ADGRL4: variants seen among roughly 807,000 people sequenced by gnomAD.
The protein encoded by ADGRL4 is adhesion G protein-coupled receptor L4.
ADGRL4 carries 90 observed loss-of-function variants against 74.8 expected under a neutral mutation model. The ratio of observed to expected loss-of-function variants is 1.20; its 90% CI spans 1.02 to 1.43. The LOEUF (loss-of-function observed/expected upper bound fraction) is 1.43, where lower values mean the gene tolerates loss of function less well. ADGRL4 is among the 40% of genes most tolerant of loss of function. ADGRL4 has a pLI of 0.00. For synonymous variants in ADGRL4, 311 were observed against 279.2 expected (o/e 1.11, Z -1.14); for missense variants, 881 against 814.3 (o/e 1.08, Z -1.00).
chr1:78,942,016 G>A (rs1570244230), intron 3 of ADGRL4, among the ~76,000 whole-genome samples: 2 of 151,620 alleles, frequency 1.3e-5, no homozygotes, highest in African/African-American at 4.8e-5. Flanking sequence ...TGGCTAACAC[G>A]GTGACACCCC....
At chr1:78,979,866 G>GA (rs1177040534) in intron 2 of ADGRL4, among the ~76,000 whole-genome samples, 2 of 152,002 alleles carry the variant, frequency 1.3e-5, no homozygotes, top group Middle Eastern at 3.4e-3. Flanking sequence ...AAAGGCATAA[G>GA]AATGGACTTT....
At chr1:78,979,435 G>A (rs765948862) in intron 2 of ADGRL4, among the ~76,000 whole-genome samples, 1 of 151,872 alleles carries the variant, frequency 6.6e-6, no homozygotes, top group Admixed American at 6.6e-5. Context: ...AATTTGCCAA[G>A]CCATTAAACG....
chr1:78,947,318 T>C (rs1649623788), intron 2 of ADGRL4, among the ~76,000 whole-genome samples: 1 of 152,134 alleles, frequency 6.6e-6, no homozygotes, highest in Non-Finnish European at 1.5e-5. Flanking sequence ...ATTCAATGAT[T>C]GACATCCTTA....
chr1:78,971,440 G>C (rs1365775686), intron 2 of ADGRL4, among the ~76,000 whole-genome samples: 2 of 152,116 alleles, frequency 1.3e-5, no homozygotes, highest in African/African-American at 4.8e-5. Flanking sequence ...CTAGGGTGGA[G>C]CCATGGGAAG....
chr1:78,990,736 G>C (rs925412645), intron 2 of ADGRL4, among the ~76,000 whole-genome samples: 2 of 151,838 alleles, frequency 1.3e-5, no homozygotes, highest in Non-Finnish European at 2.9e-5. Flanking sequence ...AGTTGAAGAA[G>C]CATAACACTA....
chr1:78,930,189 T>C (rs1207390121), intron 7 of ADGRL4, among the ~76,000 whole-genome samples: 2 of 151,312 alleles, frequency 1.3e-5, no homozygotes, highest in African/African-American at 4.9e-5. Flanking sequence ...CCATTTGTAT[T>C]TTACTATTTT....
At chr1:78,891,360 C>T in intron 14 of ADGRL4, 144 bp from the exon 15 acceptor site, 1 of 1,219,570 alleles carries the variant, frequency 8.2e-7, no homozygotes. Flanking sequence ...ATTTATATCC[C>T]TAATACCAAG....
chr1:78,941,233 G>T (rs1276943242), intron 3 of ADGRL4, among the ~76,000 whole-genome samples: 4 of 152,162 alleles, frequency 2.6e-5, no homozygotes, highest in African/African-American at 9.6e-5. Flanking sequence ...TCTAGGCTGG[G>T]CTAAAGACAG....
At chr1:78,985,523 A>C (rs1389395680) in intron 2 of ADGRL4, among the ~76,000 whole-genome samples, 2 of 151,862 alleles carry the variant, frequency 1.3e-5, no homozygotes, top group Non-Finnish European at 2.9e-5. Flanking sequence ...CTGTTGTTAC[A>C]CAATTGGTAT....
chr1:78,937,809 A>G lies in ADGRL4; in HGVS notation c.758T>C (p.Ile253Thr). 1.2e-6 allele frequency: 2 copies of G among 1,604,786 alleles called. No homozygotes were observed. The highest frequency in any genetic ancestry group is 1.7e-6 in the Non-Finnish European group (2 of 1,177,628). The change falls in exon 6 of 15, where the codon ATA (isoleucine) becomes ACA (threonine). Residue 253 changes from isoleucine (I) to threonine (T), a missense_variant and splice_region_variant. Physicochemically the swap from Ile to Thr is moderately conservative, Grantham distance 89 (BLOSUM62 -1). Coordinates refer to ENST00000370742, the MANE Select transcript of ADGRL4 (RefSeq NM_022159.4). Reference protein sequence around the residue: ...TTEFDTNSTDIALKVFFFDSY... With the variant: ...TTEFDTNSTDTALKVFFFDSY... Reference sequence around the variant, plus strand: ...TTAAATGGACCCTTGTTTCTTACCTATATCCGTTGAATTTGTATCAAACTC... The same window carrying G: ...TTAAATGGACCCTTGTTTCTTACCTGTATCCGTTGAATTTGTATCAAACTC...
intron 7 of ADGRL4, among the ~76,000 whole-genome samples, chr1:78,935,603 T>A (rs1232193182): frequency 6.6e-6 from 1 of 152,008 alleles, no homozygotes; most frequent in Non-Finnish European, 1.5e-5. Flanking sequence ...TTTTGTCTCA[T>A]GATGAAGAAT....
intron 2 of ADGRL4, among the ~76,000 whole-genome samples, chr1:78,975,054 T>G (rs1253785011): frequency 6.6e-6 from 1 of 152,120 alleles, no homozygotes; most frequent in Admixed American, 6.6e-5. Context: ...AAACAGACTG[T>G]AGTGGGCAGG....
chr1:78,911,202 T>C (rs894313422), intron 12 of ADGRL4, among the ~76,000 whole-genome samples: 2 of 151,830 alleles, frequency 1.3e-5, no homozygotes, highest in African/African-American at 4.8e-5. Flanking sequence ...CCTTACTCTA[T>C]GGATAAACTG....
At chr1:79,002,580 T>G (rs769279014) in intron 2 of ADGRL4, among the ~76,000 whole-genome samples, 1 of 152,122 alleles carries the variant, frequency 6.6e-6, no homozygotes, top group Non-Finnish European at 1.5e-5. Flanking sequence ...TGATAAATTA[T>G]GTCTATTAGG....
intron 3 of ADGRL4, among the ~76,000 whole-genome samples, chr1:78,941,199 A>G (rs1350215365): frequency 6.6e-6 from 1 of 152,236 alleles, no homozygotes; most frequent in Non-Finnish European, 1.5e-5. Flanking sequence ...ACCTTGGGAT[A>G]TGGAGAACCA....
chr1:78,924,241 A>G (rs1399694272), intron 8 of ADGRL4, among the ~76,000 whole-genome samples: 1 of 152,030 alleles, frequency 6.6e-6, no homozygotes, highest in East Asian at 1.9e-4. Flanking sequence ...TTATCTAACT[A>G]ATATAAGGGT....
intron 6 of ADGRL4, 145 bp downstream of exon 6, chr1:78,937,662 A>G: frequency 1.5e-6 from 1 of 686,032 alleles, no homozygotes; most frequent in Admixed American, 2.8e-5. Flanking sequence ...TGCAATATGC[A>G]TCACCATTCA....
chr1:78,900,054 G>A (rs1282562453), intron 12 of ADGRL4, among the ~76,000 whole-genome samples: 3 of 151,988 alleles, frequency 2.0e-5, no homozygotes, highest in Non-Finnish European at 4.4e-5. Flanking sequence ...GGAGAGATAC[G>A]GCAAAAATGA....
At position 78,921,775 on chromosome 1, in the gene ADGRL4, C is replaced by T. The variant is rs747982606; in HGVS notation, c.1095G>A (p.Arg365=). 6.6e-7 allele frequency: 1 copy of T among 1,504,948 alleles called. No homozygotes were observed. The highest frequency in any genetic ancestry group is 2.3e-5 in the Admixed American group (1 of 42,856). The allele number at this position is 1,504,948 out of a possible 1,614,324, so 93.2% of individuals were successfully genotyped here. The part of the protein sequence containing the change: ...FTLSHRKVTD[R]YRSLCAFWNY... The stretch of plus-strand genomic sequence containing the variant: ...TCCAAAATGCACATAGACTCCTATA[C>T]CTATCTGTGACCTGAAAAAAAGATA... Residue 365 remains arginine (R), a synonymous_variant, in exon 9 of 15, where the codon AGG becomes AGA. Coordinates refer to ENST00000370742, the MANE Select transcript of ADGRL4 (RefSeq NM_022159.4).
Sources: gnomAD v4.1 joint callset for allele counts (sites outside exome capture counted in the v4.1 genomes callset) on GRCh38, gnomAD v4.1.1 for gene constraint, MANE v1.5 for transcripts, NCBI Gene and HGNC (gene_info 2026-07-23, HGNC 2026-07-21) for gene names.